The following CSMD2 variants were observed in gnomAD, a reference collection of about 807,000 sequenced individuals.
CSMD2 encodes the protein CUB and Sushi multiple domains 2.
CSMD2 carries 130 observed loss-of-function variants against 398.5 expected under a neutral mutation model. That is an observed-to-expected ratio of 0.33 (90% CI 0.28 to 0.38). CSMD2 has a LOEUF of 0.38. Ranked by LOEUF, CSMD2 falls within the 10% of genes least tolerant of loss-of-function variation. The pLI is 1.00. For missense variants in CSMD2, 3,829 were observed against 4,764.9 expected (o/e 0.80, Z 5.78); for synonymous variants, 1,828 against 1,908.5 (o/e 0.96, Z 1.10).
intron 13 of CSMD2, among the ~76,000 whole-genome samples, chr1:33,764,368 C>G (rs1165897827): frequency 6.6e-6 from 1 of 152,152 alleles, no homozygotes; most frequent in Non-Finnish European, 1.5e-5. Context: ...ACAGACCCTC[C>G]CCCATCCTGC....
chr1:34,135,242 T>TCTCACACACACACA (rs373209118), intron 1 of CSMD2, among the ~76,000 whole-genome samples: 1 of 135,490 alleles, frequency 7.4e-6, no homozygotes, highest in African/African-American at 2.7e-5. Flanking sequence ...CATGTTGAAA[T>TCTCACACACACACA]CACACACACA....
At chr1:33,979,964 G>T (rs1646108814) in intron 3 of CSMD2, among the ~76,000 whole-genome samples, 1 of 152,180 alleles carries the variant, frequency 6.6e-6, no homozygotes, top group South Asian at 2.1e-4. Flanking sequence ...TTCTGTGTCT[G>T]TGTAAGTCTG....
chr1:33,659,624 A>G (rs1227038832), intron 26 of CSMD2, among the ~76,000 whole-genome samples: 2 of 152,256 alleles, frequency 1.3e-5, no homozygotes, highest in East Asian at 1.9e-4. Flanking sequence ...TGTGCTTGCT[A>G]CAGCCACCAG....
At chr1:33,748,454 A>T (rs1647699389) in intron 13 of CSMD2, among the ~76,000 whole-genome samples, 1 of 152,202 alleles carries the variant, frequency 6.6e-6, no homozygotes, top group Non-Finnish European at 1.5e-5. Flanking sequence ...TTGACAAATA[A>T]TAAAGGTGGG....
intron 24 of CSMD2, among the ~76,000 whole-genome samples, chr1:33,695,375 TAGG>T (rs1161975678): frequency 7.9e-5 from 12 of 152,246 alleles, no homozygotes; most frequent in Middle Eastern, 3.4e-3. Context: ...CTTTGCATGT[TAGG>T]AGGAGTCACT....
rs1169682565 is a variant in CSMD2, at chr1:33,540,680, G to A, written c.9476C>T (p.Pro3159Leu). 8 of 1,614,094 alleles carry A rather than the reference G, an allele frequency of 5.0e-6. No individual in the cohort carries two copies. Among genetic ancestry groups the A allele is most frequent in the Non-Finnish European group, 6.8e-6 (8 of 1,180,044 alleles). The stretch of plus-strand genomic sequence containing the variant: ...CACCTTCCCATTGGGGATGAGCGGA[G>A]GTGGCTTGCACATGAGAGCTGGAGG... ...PVCKALMCKP[P>L]PLIPNGKVVG... The change falls in exon 60 of 71, where the codon CCT becomes CTT. Residue 3159 changes from proline (P) to leucine (L), a missense_variant. Pro to Leu is a moderately conservative substitution (Grantham distance 98). Transcript: ENST00000373381.
chr1:33,784,884 G>A (rs1173376244), intron 12 of CSMD2, among the ~76,000 whole-genome samples: 1 of 152,114 alleles, frequency 6.6e-6, no homozygotes, highest in Non-Finnish European at 1.5e-5. Context: ...TGTACAAGTC[G>A]GGGAACTGAG....
intron 13 of CSMD2, among the ~76,000 whole-genome samples, chr1:33,758,403 G>A (rs1320108307): frequency 6.6e-6 from 1 of 152,192 alleles, no homozygotes; most frequent in Non-Finnish European, 1.5e-5. Context: ...GGGTGGCCAA[G>A]CATCTTCCAA....
rs192562320 is a variant in CSMD2, at chr1:33,678,620, C to T, written c.4052+14310G>A. Among the ~76,000 whole-genome samples the T allele has an allele frequency of 2.8e-4, 43 of 152,250 alleles. No homozygotes were observed. The East Asian group carries it at 7.3e-3, about 26-fold the overall frequency. ...CAGCTGCAATTATCCTTGGTGACAT[C>T]GGAAAGGGCAATAAGAAAATAATAC... On this transcript the variant is annotated intron_variant, in intron 25 of 70. Coordinates refer to ENST00000373381, the MANE Select transcript of CSMD2 (RefSeq NM_001281956.2).
At chr1:34,008,899 C>G (rs185018107) in intron 3 of CSMD2, among the ~76,000 whole-genome samples, 1 of 152,118 alleles carries the variant, frequency 6.6e-6, no homozygotes, top group East Asian at 1.9e-4. Context: ...GTTGATTTGA[C>G]ATCTTCACAA....
At chr1:33,744,579 A>G (rs537198623) in intron 13 of CSMD2, among the ~76,000 whole-genome samples, 1 of 152,346 alleles carries the variant, frequency 6.6e-6, no homozygotes, top group Non-Finnish European at 1.5e-5. Flanking sequence ...AGTGCTGTAA[A>G]TGAGAAAACA....
intron 25 of CSMD2, among the ~76,000 whole-genome samples, chr1:33,667,107 G>A (rs954521584): frequency 6.6e-6 from 1 of 152,154 alleles, no homozygotes; most frequent in African/African-American, 2.4e-5. Context: ...GGAAGAGAAT[G>A]AGTCTCAAAA....
At chr1:33,609,237 A>T (rs1230677592) in intron 41 of CSMD2, among the ~76,000 whole-genome samples, 1 of 152,180 alleles carries the variant, frequency 6.6e-6, no homozygotes, top group Non-Finnish European at 1.5e-5. Context: ...GGAACCCTGA[A>T]GTCTCCTGCA....
intron 1 of CSMD2, among the ~76,000 whole-genome samples, chr1:34,139,148 T>C (rs767190687): frequency 1.6e-4 from 24 of 152,228 alleles, no homozygotes; most frequent in Non-Finnish European, 2.8e-4. Flanking sequence ...AGTGGCAGTA[T>C]TGAGAGGCAG....
chr1:33,960,099 T>C (rs1037348090), intron 3 of CSMD2, among the ~76,000 whole-genome samples: 7 of 152,164 alleles, frequency 4.6e-5, no homozygotes, highest in African/African-American at 1.4e-4. Context: ...ACCCTGCTCC[T>C]GCCCCCAGCC....
intron 66 of CSMD2, 38 bp from the exon 67 acceptor site, chr1:33,523,457 T>C (rs967426270): frequency 7.2e-6 from 7 of 968,084 alleles, no homozygotes; most frequent in Non-Finnish European, 1.1e-5. Flanking sequence ...ATGAAAGATA[T>C]GGGAAAATTT....
intron 12 of CSMD2, among the ~76,000 whole-genome samples, chr1:33,786,056 C>T (rs935395637): frequency 3.3e-5 from 5 of 152,218 alleles, no homozygotes; most frequent in African/African-American, 1.2e-4. Flanking sequence ...GCACAACTAA[C>T]TTCCTGGGAT....
chr1:33,953,944 G>A (rs150193919), intron 3 of CSMD2, among the ~76,000 whole-genome samples: 18 of 152,234 alleles, frequency 1.2e-4, no homozygotes, highest in Non-Finnish European at 2.5e-4. Context: ...AGTGATTCTG[G>A]TTCCCTGCCA....
chr1:34,053,049 C>T (rs1167689756), intron 2 of CSMD2, among the ~76,000 whole-genome samples: 1 of 152,056 alleles, frequency 6.6e-6, no homozygotes, highest in African/African-American at 2.4e-5. Context: ...GGAAGAGGGT[C>T]AATGGCGAAC....
Sources: allele counts gnomAD v4.1 joint callset (sites outside exome capture counted in the v4.1 genomes callset), GRCh38; gene constraint gnomAD v4.1.1; transcripts MANE v1.5; gene names NCBI Gene and HGNC (gene_info 2026-07-23, HGNC 2026-07-21).